PTPRC: variants seen among roughly 807,000 people sequenced by gnomAD.
PTPRC encodes the protein receptor-type tyrosine-protein phosphatase C.
A neutral mutation model predicts 155.9 loss-of-function variants in PTPRC; 44 were observed. That is an observed-to-expected ratio of 0.28 (90% CI 0.22 to 0.36). The LOEUF (loss-of-function observed/expected upper bound fraction) is 0.36, where lower values mean the gene tolerates loss of function less well. Among genes scored for constraint, PTPRC ranks in the 10% least tolerant of loss-of-function variants. The pLI is 1.00. For missense variants in PTPRC, 1,401 were observed against 1,564.6 expected (o/e 0.90, Z 1.76); for synonymous variants, 525 against 533.1 (o/e 0.98, Z 0.21).
Position 198,722,449 on chromosome 1 carries a change from C to A in PTPRC, c.1693C>A (p.Pro565Thr). The A allele has an allele frequency of 6.8e-7, 1 of 1,472,210 alleles. No individual in the cohort carries two copies. Among genetic ancestry groups the A allele is most frequent in the East Asian group, 2.5e-5 (1 of 39,384 alleles). The allele number at this position is 1,472,210 out of a possible 1,614,324, so 91.2% of individuals were successfully genotyped here. A position where few individuals can be genotyped will look rare whatever the true frequency, so the allele number is the denominator to read the frequency against. ...TCACAATGGAGACTATCCTGGAGAA[C>A]CCTTTATTTTACATCATTCAACATC... ...YFHNGDYPGE[P>T]FILHHSTSYN... Residue 565 changes from proline to threonine, a missense_variant, in exon 15 of 33, where the codon CCC (proline) becomes ACC (threonine). By Grantham distance (38) the Pro-to-Thr change is conservative. This residue lies in a region of PTPRC where 867 missense variants were observed against 970.4 expected (regional missense o/e 0.89). Coordinates refer to ENST00000442510, the MANE Select transcript of PTPRC (RefSeq NM_002838.5).
chr1:198,657,019 G>GTTT (rs67858981), intron 2 of PTPRC, among the ~76,000 whole-genome samples: 33 of 146,848 alleles, frequency 2.2e-4, no homozygotes, highest in Non-Finnish European at 4.1e-4. Context: ...GAATCAAGAG[G>GTTT]TTTTTTTTTT....
Position 198,722,467 on chromosome 1 carries a change from TC to T in PTPRC, c.1712del (p.Ser571Ter). 6.8e-7 allele frequency: 1 copy of T among 1,464,414 alleles called. No individual in the cohort carries two copies. Among genetic ancestry groups the T allele is most frequent in the South Asian group, 1.5e-5 (1 of 64,530 alleles). 90.7% of individuals were successfully genotyped at this position (1,464,414 alleles called of 1,614,324 possible). Reference protein sequence around the residue: ...YPGEPFILHHSTSYNSKALIA... With the variant: ...YPGEPFILHHXTSYNSKALIA... ...TGGAGAACCCTTTATTTTACATCAT[TC>T]AACATCTTGTAAGTTATCACTGGGC... is the stretch of plus-strand genomic sequence containing the variant. On this transcript the variant is annotated frameshift_variant, in exon 15 of 33. Transcript: ENST00000442510. LOFTEE classifies it high-confidence loss of function.
At chr1:198,655,939 G>A (rs972830694) in intron 2 of PTPRC, among the ~76,000 whole-genome samples, 6 of 151,984 alleles carry the variant, frequency 3.9e-5, no homozygotes, top group African/African-American at 1.2e-4. Context: ...TAGACCAGTT[G>A]GTTAAACTAC....
At chr1:198,651,768 T>C (rs1249267642) in intron 2 of PTPRC, among the ~76,000 whole-genome samples, 1 of 151,828 alleles carries the variant, frequency 6.6e-6, no homozygotes, top group Admixed American at 6.6e-5. Context: ...GGTTGTCATA[T>C]CCTAAAAGGG....
intron 27 of PTPRC, 138 bp downstream of exon 27, chr1:198,748,337 TA>T: frequency 8.4e-7 from 1 of 1,193,004 alleles, no homozygotes; most frequent in South Asian, 1.6e-5. Context: ...AAGAAGTTAC[TA>T]GGTATTAAAA....
At chr1:198,753,728 ATTGT>A (rs1233704848) in intron 31 of PTPRC, among the ~76,000 whole-genome samples, 2 of 152,070 alleles carry the variant, frequency 1.3e-5, no homozygotes, top group Admixed American at 6.6e-5. Flanking sequence ...TATACTTCTC[ATTGT>A]TTGGTAAACT....
intron 23 of PTPRC, among the ~76,000 whole-genome samples, chr1:198,741,136 C>T (rs1654881055): frequency 6.6e-6 from 1 of 151,866 alleles, no homozygotes; most frequent in Non-Finnish European, 1.5e-5. Context: ...TGGCTACATT[C>T]TGTAGTCTGG....
At chr1:198,722,306 C>T (rs934176279) in intron 14 of PTPRC, 110 bp from the exon 15 acceptor site, 5 of 442,786 alleles carry the variant, frequency 1.1e-5, no homozygotes, top group African/African-American at 4.3e-5. Context: ...TTATTGTATG[C>T]ATGGTATGAA....
intron 2 of PTPRC, among the ~76,000 whole-genome samples, chr1:198,648,266 A>T (rs1663041372): frequency 6.6e-6 from 1 of 151,778 alleles, no homozygotes; most frequent in South Asian, 2.1e-4. Context: ...GTTTATGTGG[A>T]GAGAAAAGGG....
At chr1:198,712,690 T>C (rs916753129) in intron 11 of PTPRC, 8 of 439,854 alleles carry the variant, frequency 1.8e-5, no homozygotes, top group Middle Eastern at 1.3e-3. Context: ...GAATAATGTA[T>C]ATGAAAGGAA....
chr1:198,699,951 A>G (rs1287177529), intron 5 of PTPRC: 6 of 588,560 alleles, frequency 1.0e-5, no homozygotes, highest in Non-Finnish European at 1.8e-5. Flanking sequence ...GTTATTCAGA[A>G]TAGTCTATTT....
intron 32 of PTPRC, 125 bp from the exon 33 acceptor site, chr1:198,755,781 A>G: frequency 1.9e-6 from 2 of 1,061,500 alleles, no homozygotes; most frequent in Non-Finnish European, 2.9e-6. Context: ...GAACATATCA[A>G]AAAGTACTTT....
intron 2 of PTPRC, among the ~76,000 whole-genome samples, chr1:198,644,146 A>G (rs1360486719): frequency 6.6e-6 from 1 of 151,812 alleles, no homozygotes; most frequent in Admixed American, 6.6e-5. Flanking sequence ...TAGACATCTT[A>G]TAGATTTATG....
chr1:198,747,624 T>C (rs947081270), intron 26 of PTPRC, among the ~76,000 whole-genome samples: 1 of 151,974 alleles, frequency 6.6e-6, no homozygotes, highest in African/African-American at 2.4e-5. Flanking sequence ...ATAGAAATGA[T>C]GGATCTTTTC....
In PTPRC at chr1:198,756,175, T is replaced by G. The variant is rs770769041; in HGVS notation, c.3915T>G (p.Gly1305=). The part of the protein sequence containing the change: ...NGPASPALNQ[G]S ...CTGCAAGTCCAGCTTTAAATCAAGG[T>G]TCATAGGAAAAGACATAAATGAGGA... Residue 1305 remains glycine, a synonymous_variant, in exon 33 of 33, where the codon GGT becomes GGG. Transcript: ENST00000442510. 1.5e-5 allele frequency: 25 copies of G among 1,612,998 alleles called. 2 individuals are homozygous for G. The South Asian group carries it at 2.7e-4, about 18-fold the overall frequency.
At chr1:198,677,388 A>G (rs531220583) in intron 2 of PTPRC, among the ~76,000 whole-genome samples, 3 of 152,054 alleles carry the variant, frequency 2.0e-5, no homozygotes, top group East Asian at 3.9e-4. Context: ...TCTACCTTAC[A>G]TCTTGCTTTT....
chr1:198,654,280 C>T (rs1236296554), intron 2 of PTPRC, among the ~76,000 whole-genome samples: 1 of 151,734 alleles, frequency 6.6e-6, no homozygotes, highest in Non-Finnish European at 1.5e-5. Context: ...AACAGTGGCA[C>T]ATGGGTCAGA....
chr1:198,698,449 G>GA (rs1666312534), intron 4 of PTPRC, among the ~76,000 whole-genome samples: 4 of 152,086 alleles, frequency 2.6e-5, no homozygotes, highest in African/African-American at 2.4e-5. Context: ...TTTAATTTAT[G>GA]ATTATGATTG....
chr1:198,704,553 A>G, intron 8 of PTPRC, 55 bp downstream of exon 8: 1 of 1,613,680 alleles, frequency 6.2e-7, no homozygotes, highest in Non-Finnish European at 8.5e-7. Flanking sequence ...CACTTTAATT[A>G]CATCTTTCTT....
Sources: gnomAD v4.1 joint callset for allele counts (sites outside exome capture counted in the v4.1 genomes callset) on GRCh38, gnomAD v4.1.1 for gene constraint, gnomAD v4.1.1 regional missense constraint, MANE v1.5 for transcripts, NCBI Gene and HGNC (gene_info 2026-07-23, HGNC 2026-07-21) for gene names.